The following ADAMTS3 variants were observed in gnomAD, a reference collection of about 807,000 sequenced individuals.
ADAMTS3 encodes the protein A disintegrin and metalloproteinase with thrombospondin motifs 3.
ADAMTS3 carries 73 observed loss-of-function variants against 129.0 expected under a neutral mutation model. The ratio of observed to expected loss-of-function variants is 0.57; its 90% CI spans 0.47 to 0.69. ADAMTS3 has a LOEUF of 0.69. ADAMTS3 is among the 30% of genes least tolerant of loss of function. The probability of loss-of-function intolerance (pLI) is 0.00; values close to 1 mark genes in which losing one functional copy is unlikely to be tolerated. For synonymous variants in ADAMTS3, 477 were observed against 510.8 expected (o/e 0.93, Z 0.89); for missense variants, 1,457 against 1,514.5 (o/e 0.96, Z 0.63).
chr4:72,332,048 T>C (rs770462193), intron 5 of ADAMTS3, among the ~76,000 whole-genome samples: 1 of 152,214 alleles, frequency 6.6e-6, no homozygotes, highest in Non-Finnish European at 1.5e-5. Flanking sequence ...ACTTTGCCTA[T>C]GGTAGGTTAT....
chr4:72,362,751 A>AG (rs1720762012), intron 4 of ADAMTS3, among the ~76,000 whole-genome samples: 1 of 152,136 alleles, frequency 6.6e-6, no homozygotes, highest in Non-Finnish European at 1.5e-5. Context: ...GATAATGCAT[A>AG]GGGTTCACCT....
chr4:72,398,917 A>G (rs1243902046), intron 4 of ADAMTS3, among the ~76,000 whole-genome samples: 2 of 152,208 alleles, frequency 1.3e-5, no homozygotes, highest in African/African-American at 4.8e-5. Flanking sequence ...ATAACCAGAC[A>G]TCTAAGGTGA....
intron 5 of ADAMTS3, among the ~76,000 whole-genome samples, chr4:72,328,420 T>G (rs577600141): frequency 6.6e-6 from 1 of 152,314 alleles, no homozygotes; most frequent in East Asian, 1.9e-4. Context: ...GATGAACAGC[T>G]TTGTCTGGCT....
chr4:72,518,331 G>C (rs1560547201), intron 3 of ADAMTS3, among the ~76,000 whole-genome samples: 2 of 152,168 alleles, frequency 1.3e-5, no homozygotes, highest in African/African-American at 4.8e-5. Flanking sequence ...GGGGTGGAGA[G>C]TTCTGTAGAT....
At chr4:72,357,282 A>G (rs954188355) in intron 4 of ADAMTS3, among the ~76,000 whole-genome samples, 1 of 151,984 alleles carries the variant, frequency 6.6e-6, no homozygotes, top group Non-Finnish European at 1.5e-5. Flanking sequence ...ACGAAGATAA[A>G]TGAATGCTTA....
At chr4:72,378,072 T>G (rs904726193) in intron 4 of ADAMTS3, among the ~76,000 whole-genome samples, 2 of 152,316 alleles carry the variant, frequency 1.3e-5, no homozygotes, top group East Asian at 3.9e-4. Context: ...TTAGATAAAA[T>G]TGAAATGCAT....
chr4:72,401,426 G>T (rs1035726605), intron 4 of ADAMTS3, among the ~76,000 whole-genome samples: 6 of 151,582 alleles, frequency 4.0e-5, no homozygotes, highest in Non-Finnish European at 8.8e-5. Flanking sequence ...AATTAGCTGG[G>T]CATGGTGGCA....
chr4:72,356,533 G>A (rs1006261487), intron 4 of ADAMTS3, among the ~76,000 whole-genome samples: 15 of 150,306 alleles, frequency 1.0e-4, no homozygotes, highest in African/African-American at 3.2e-4. Flanking sequence ...CGTACAAAGT[G>A]GAAAAACAAA....
intron 3 of ADAMTS3, among the ~76,000 whole-genome samples, chr4:72,532,249 C>G (rs1460927146): frequency 6.6e-6 from 1 of 151,988 alleles, no homozygotes; most frequent in Non-Finnish European, 1.5e-5. Context: ...GAGGTGGAAC[C>G]CAGAAGTCTG....
Position 72,384,267 on chromosome 4 carries a change from C to T in ADAMTS3, c.661+30548G>A, listed in dbSNP as rs1210200512. ...AAAAATTATTTGAAATGATTATGGC[C>T]ATTTTCAAAATCTGCTAGAAGACAT... On this transcript the variant is annotated intron_variant, in intron 4 of 21. Coordinates refer to ENST00000286657, the MANE Select transcript of ADAMTS3 (RefSeq NM_014243.3). Among the ~76,000 whole-genome samples, 4 of 152,120 alleles carry T rather than the reference C, an allele frequency of 2.6e-5. 1 individual carries two copies. In the South Asian group the frequency reaches 8.3e-4, roughly 32 times the overall value.
chr4:72,447,762 G>A (rs1312321251), intron 3 of ADAMTS3, among the ~76,000 whole-genome samples: 4 of 151,610 alleles, frequency 2.6e-5, no homozygotes, highest in Non-Finnish European at 4.4e-5. Flanking sequence ...AGGCAAAACC[G>A]GTGACCCAAA....
intron 3 of ADAMTS3, among the ~76,000 whole-genome samples, chr4:72,448,277 C>T (rs1474692223): frequency 2.6e-5 from 4 of 151,774 alleles, no homozygotes; most frequent in Admixed American, 2.6e-4. Flanking sequence ...AGCGAGCAAG[C>T]ATCTTTAAGA....
chr4:72,467,760 T>G (rs147385553), intron 3 of ADAMTS3, among the ~76,000 whole-genome samples: 8 of 152,180 alleles, frequency 5.3e-5, no homozygotes, highest in Non-Finnish European at 1.0e-4. Flanking sequence ...CAAGTTTGCA[T>G]CACTTTACTA....
At chr4:72,384,884 T>G (rs1721395211) in intron 4 of ADAMTS3, among the ~76,000 whole-genome samples, 1 of 152,088 alleles carries the variant, frequency 6.6e-6, no homozygotes, top group Admixed American at 6.6e-5. Context: ...TAAAGAAAAC[T>G]GGGGCCGGGT....
intron 3 of ADAMTS3, among the ~76,000 whole-genome samples, chr4:72,418,223 C>T (rs1722359100): frequency 6.6e-6 from 1 of 151,972 alleles, no homozygotes; most frequent in South Asian, 2.1e-4. Context: ...GTATCTATTT[C>T]AACTGAAATG....
intron 3 of ADAMTS3, among the ~76,000 whole-genome samples, chr4:72,530,812 T>C (rs567780854): frequency 1.7e-5 from 2 of 118,084 alleles, no homozygotes; most frequent in South Asian, 2.3e-4. Flanking sequence ...ATATTATATA[T>C]TATATATTAT....
rs1721030850 is a variant in ADAMTS3 at position 72,531,122 on chromosome 4, G to A, written c.504+17356C>T. 2.0e-5 allele frequency among the ~76,000 whole-genome samples: 3 copies of A among 151,822 alleles called. No homozygotes were observed. In the South Asian group the frequency reaches 6.2e-4, roughly 31 times the overall value. ...TCATTGTCATATCCAGGGAAAAGAT[G>A]ACAGTGGTTTTGTCCAAAGCTGTAA... On this transcript the variant is annotated intron_variant, in intron 3 of 21. Transcript: ENST00000286657.
chr4:72,342,154 CTT>C (rs1298530502), intron 4 of ADAMTS3, among the ~76,000 whole-genome samples: 1 of 152,160 alleles, frequency 6.6e-6, no homozygotes, highest in Non-Finnish European at 1.5e-5. Flanking sequence ...GCCAAACTAA[CTT>C]TGAGAGGAGT....
intron 3 of ADAMTS3, among the ~76,000 whole-genome samples, chr4:72,473,980 C>T (rs1200168908): frequency 6.6e-6 from 1 of 152,176 alleles, no homozygotes; most frequent in Non-Finnish European, 1.5e-5. Context: ...ATGAGACACT[C>T]CTGTCTTCAG....
Sources: gnomAD v4.1 joint callset for allele counts (sites outside exome capture counted in the v4.1 genomes callset) on GRCh38, gnomAD v4.1.1 for gene constraint, MANE v1.5 for transcripts, NCBI Gene and HGNC (gene_info 2026-07-23, HGNC 2026-07-21) for gene names.